The following SUSD1 variants were observed in gnomAD, a reference collection of about 807,000 sequenced individuals.
SUSD1 encodes sushi domain containing 1, also known as sushi domain-containing protein 1.
Under a neutral mutation model 86.9 loss-of-function variants are expected in SUSD1, and 65 were observed. The observed-to-expected ratio is 0.75, with a 90% CI of 0.61 to 0.92. The LOEUF is 0.92. Among genes scored for constraint, SUSD1 ranks in the 40% least tolerant of loss-of-function variants. The probability of loss-of-function intolerance (pLI) is 0.00; values close to 1 mark genes in which losing one functional copy is unlikely to be tolerated. For missense variants in SUSD1, 850 were observed against 929.7 expected, an observed-to-expected ratio of 0.91 and a Z score of 1.11; for synonymous variants, 346 against 350.0, an observed-to-expected ratio of 0.99 and a Z score of 0.13.
intron 1 of SUSD1, chr9:112,173,661 G>A: frequency 2.2e-6 from 1 of 456,488 alleles, no homozygotes. Flanking sequence ...GGCAATGCGG[G>A]CACGAGCACG....
intron 8 of SUSD1, among the ~76,000 whole-genome samples, chr9:112,102,668 T>C (rs779658173): frequency 1.6e-4 from 25 of 152,344 alleles, no homozygotes; most frequent in Non-Finnish European, 1.3e-4. Flanking sequence ...AAGGTAAGCA[T>C]AGCAGTAGCC....
At chr9:112,074,661 C>T (rs1429274772) in intron 12 of SUSD1, among the ~76,000 whole-genome samples, 1 of 152,182 alleles carries the variant, frequency 6.6e-6, no homozygotes, top group Non-Finnish European at 1.5e-5. Context: ...CTTAGCCTAA[C>T]ACATCTGCCA....
At chr9:112,119,326 T>G (rs1192523281) in intron 6 of SUSD1, among the ~76,000 whole-genome samples, 1 of 152,166 alleles carries the variant, frequency 6.6e-6, no homozygotes, top group Admixed American at 6.5e-5. Flanking sequence ...TTTATGTAAA[T>G]GTATCCATTT....
chr9:112,108,415 C>T (rs1228675715), intron 8 of SUSD1, among the ~76,000 whole-genome samples: 2 of 151,664 alleles, frequency 1.3e-5, no homozygotes, highest in African/African-American at 4.8e-5. Flanking sequence ...ACAATATAAC[C>T]AATTTAACAG....
At chr9:112,094,788 A>G (rs1321980753) in intron 10 of SUSD1, among the ~76,000 whole-genome samples, 1 of 152,186 alleles carries the variant, frequency 6.6e-6, no homozygotes, top group Non-Finnish European at 1.5e-5. Flanking sequence ...ATTAATGAGA[A>G]CTCTTCGTTT....
chr9:112,174,642 T>G (rs761992369), intron 1 of SUSD1, among the ~76,000 whole-genome samples: 1 of 152,234 alleles, frequency 6.6e-6, no homozygotes, highest in African/African-American at 2.4e-5. Flanking sequence ...CTTACGCGTC[T>G]TTCTCACCAT....
chr9:112,154,971 C>A (rs1458347043), intron 2 of SUSD1, among the ~76,000 whole-genome samples: 1 of 152,120 alleles, frequency 6.6e-6, no homozygotes, highest in Admixed American at 6.6e-5. Flanking sequence ...AAGGGCAGGG[C>A]CAGGTGCGGT....
At chr9:112,088,304 G>A (rs1235840836) in intron 10 of SUSD1, among the ~76,000 whole-genome samples, 5 of 152,108 alleles carry the variant, frequency 3.3e-5, no homozygotes, top group Non-Finnish European at 5.9e-5. Flanking sequence ...GTAGCTCTAA[G>A]ACAAAAATAA....
intron 3 of SUSD1, among the ~76,000 whole-genome samples, chr9:112,148,955 T>C (rs1342511390): frequency 1.3e-5 from 2 of 150,886 alleles, no homozygotes; most frequent in Non-Finnish European, 3.0e-5. Flanking sequence ...AAAAAGAATA[T>C]TACAATGAAC....
chr9:112,164,005 A>G (rs1833676954), intron 1 of SUSD1, among the ~76,000 whole-genome samples: 1 of 152,068 alleles, frequency 6.6e-6, no homozygotes, highest in Non-Finnish European at 1.5e-5. Context: ...TGTCTCAAAA[A>G]AAAAATAAAA....
At chr9:112,103,135 T>C (rs1251630202) in intron 8 of SUSD1, 5 of 461,396 alleles carry the variant, frequency 1.1e-5, no homozygotes, top group African/African-American at 8.1e-5. Flanking sequence ...CTACCTTTTA[T>C]ATGTGTATTT....
At chr9:112,105,694 G>A (rs1372403182) in intron 8 of SUSD1, among the ~76,000 whole-genome samples, 1 of 152,140 alleles carries the variant, frequency 6.6e-6, no homozygotes, top group African/African-American at 2.4e-5. Flanking sequence ...ACACCAGCCT[G>A]GGTGACAGAA....
chr9:112,058,639 G>T lies in SUSD1; in HGVS notation c.1898C>A (p.Ser633Tyr). 1.9e-6 allele frequency: 3 copies of T among 1,614,156 alleles called. No individual in the cohort carries two copies. Among genetic ancestry groups the T allele is most frequent in the Non-Finnish European group, 2.5e-6 (3 of 1,180,020 alleles). ...GGAGGAAGCGCCTTCAGAATCACAA[G>T]AAAATGTGCTTTGGAGGGCCAGGGG... ...VLPLALQSTF[S>Y]CDSEGASSFF... is the part of the protein sequence containing the mutation. Residue 633 changes from serine to tyrosine, a missense_variant, in exon 14 of 17, where the codon TCT becomes TAT. Physicochemically the swap from Ser to Tyr is moderately radical, Grantham distance 144 (BLOSUM62 -2). Transcript: ENST00000374270.
chr9:112,060,643 CT>C (rs1430693451), intron 13 of SUSD1, among the ~76,000 whole-genome samples: 1 of 152,186 alleles, frequency 6.6e-6, no homozygotes, highest in Non-Finnish European at 1.5e-5. Context: ...CAGCCAAGGG[CT>C]TTCTACAAAA....
At position 112,124,332 on chromosome 9, in the gene SUSD1, C is replaced by T. The variant is rs1831677223; in HGVS notation, c.811G>A (p.Glu271Lys). ...GAAGTGATCTTTCCTCCAGGGCTCT[C>T]AAAGCCCTCTTGACAGACATAGCGA... ...VARYVCQEGF[E>K]SPGGKITSVC... The change falls in exon 6 of 17, where the codon GAG (glutamate) becomes AAG (lysine). Residue 271 changes from glutamate (E) to lysine (K), a missense_variant. By Grantham distance (56) the Glu-to-Lys change is moderately conservative (BLOSUM62 1). Coordinates refer to ENST00000374270, the MANE Select transcript of SUSD1 (RefSeq NM_022486.5). The T allele has an allele frequency of 6.2e-7, 1 of 1,614,020 alleles. No individual in the cohort carries two copies.
intron 12 of SUSD1, among the ~76,000 whole-genome samples, chr9:112,069,250 T>C (rs1032196737): frequency 1.8e-4 from 27 of 151,582 alleles, no homozygotes; most frequent in African/African-American, 6.5e-4. Context: ...TCTCCCAGAG[T>C]CTCTTAGACA....
At position 112,053,931 on chromosome 9, in the gene SUSD1, T is replaced by A. The variant is rs562288337; in HGVS notation, c.2110-1493A>T. 5.3e-5 allele frequency among the ~76,000 whole-genome samples: 8 copies of A among 152,300 alleles called. No individual in the cohort carries two copies. In the East Asian group the frequency reaches 1.2e-3, roughly 22 times the overall value. On this transcript the variant is annotated intron_variant, in intron 14 of 16. Coordinates refer to ENST00000374270, the MANE Select transcript of SUSD1 (RefSeq NM_022486.5). Reference sequence around the variant, plus strand: ...AGTGCAGACAAAGGAGAGGAAAGAATGATTTTAAACAGAATTAAGTTGGTA... The same window carrying A: ...AGTGCAGACAAAGGAGAGGAAAGAAAGATTTTAAACAGAATTAAGTTGGTA...
chr9:112,047,080 G>T (rs1057281312), intron 15 of SUSD1, among the ~76,000 whole-genome samples: 9 of 152,166 alleles, frequency 5.9e-5, no homozygotes, highest in Middle Eastern at 3.2e-3. Flanking sequence ...TAATTTAAAA[G>T]AAAAGAGGTT....
At chr9:112,145,576 G>A (rs1564337445) in intron 3 of SUSD1, among the ~76,000 whole-genome samples, 1 of 152,046 alleles carries the variant, frequency 6.6e-6, no homozygotes, top group Non-Finnish European at 1.5e-5. Context: ...CAATGCACCT[G>A]GCTATAATTT....
Sources: allele counts gnomAD v4.1 joint callset (sites outside exome capture counted in the v4.1 genomes callset), GRCh38; gene constraint gnomAD v4.1.1; transcripts MANE v1.5; gene names NCBI Gene and HGNC (gene_info 2026-07-23, HGNC 2026-07-21).